Variants in RORC observed in about 807,000 individuals in gnomAD.
RORC encodes the protein nuclear receptor ROR-gamma.
A neutral mutation model predicts 64.5 loss-of-function variants in RORC; 13 were observed. That is an observed-to-expected ratio of 0.20 (90% CI 0.13 to 0.32). The LOEUF is 0.32. RORC is among the 10% of genes least tolerant of loss of function. The pLI is 1.00. For missense variants in RORC, 468 were observed against 669.5 expected (o/e 0.70, Z 3.32); for synonymous variants, 277 against 259.3 (o/e 1.07, Z -0.65).
At chr1:151,812,459 T>C (rs1447519757) in intron 9 of RORC, 2 of 157,322 alleles carry the variant, frequency 1.3e-5, no homozygotes, top group Non-Finnish European at 2.8e-5. Context: ...GGCTAAGCTA[T>C]GGTGTTCAGT....
chr1:151,830,851 C>G lies in RORC; in HGVS notation c.40+874G>C, dbSNP rs1453013501. The G allele has an allele frequency of 3.9e-6, 4 of 1,014,404 alleles. No individual in the cohort carries two copies. Among genetic ancestry groups the G allele is most frequent in the Non-Finnish European group, 5.2e-6 (4 of 768,938 alleles). 62.8% of individuals were successfully genotyped at this position (1,014,404 alleles called of 1,614,324 possible). A position where few individuals can be genotyped will look rare whatever the true frequency, so the allele number is the denominator to read the frequency against. On this transcript the variant is annotated intron_variant, in intron 1 of 10. Coordinates refer to ENST00000318247, the MANE Select transcript of RORC (RefSeq NM_005060.4). This position sits in a 1 kb window ranked among gnomAD's most constrained non-coding sequence, Gnocchi z 4.0. ...TGCCTGGCCCCACCCAGCTTCCTCC[C>G]TGACGTGGCACCGGCTCCTGGCCTC...
At chr1:151,815,485 T>G (rs1178615634) in intron 4 of RORC, 60 bp from the exon 5 acceptor site, 1 of 1,497,926 alleles carries the variant, frequency 6.7e-7, no homozygotes, top group East Asian at 2.3e-5. Context: ...CAGGGCAGGG[T>G]CAGGAGGCAT....
intron 9 of RORC, chr1:151,811,773 A>AT (rs1651544573): frequency 6.0e-6 from 1 of 166,106 alleles, no homozygotes; most frequent in African/African-American, 2.4e-5. Context: ...GAGCTCCCCC[A>AT]TGTACGAAAA....
Position 151,813,675 on chromosome 1 carries a change from CCTGA to C in RORC, c.934-59_934-56del, listed in dbSNP as rs142305315. ...GCGCTCTGTGTGGCCCTGTGATCCTCCTGAGCCCTGGAGCCCCACCTAATAAACT... is the reference window on the plus strand; with the variant it reads ...GCGCTCTGTGTGGCCCTGTGATCCTCGCCCTGGAGCCCCACCTAATAAACT... On this transcript the variant is annotated intron_variant, in intron 6 of 10. Coordinates refer to ENST00000318247, the MANE Select transcript of RORC (RefSeq NM_005060.4). 5,333 of 1,593,090 alleles carry C rather than the reference CCTGA, an allele frequency of 3.3e-3. 144 individuals are homozygous for C. The African/African-American group carries it at 0.065, about 19-fold the overall frequency.
At position 151,830,468 on chromosome 1, in the gene RORC, C is replaced by T. The variant is rs1652360427; in HGVS notation, c.41-1010G>A. Reference sequence around the variant, plus strand: ...CCCCTGCCAGACCTTGGCCCATTTCCTACATCCACATAGCAGCTCATCACA... The same window carrying T: ...CCCCTGCCAGACCTTGGCCCATTTCTTACATCCACATAGCAGCTCATCACA... On this transcript the variant is annotated intron_variant, in intron 1 of 10. Transcript: ENST00000318247. This position sits in a 1 kb window ranked among gnomAD's most constrained non-coding sequence, Gnocchi z 4.0. Among the ~76,000 whole-genome samples the T allele has an allele frequency of 6.6e-6, 1 of 152,032 alleles. No homozygotes were observed. The highest frequency in any genetic ancestry group is 2.4e-5 in the African/African-American group (1 of 41,366).
chr1:151,815,072 A>G lies in RORC; in HGVS notation c.652T>C (p.Tyr218His). ...RGKAEGRESF[Y>H]STGSQLTPDR... Reference sequence around the variant, plus strand: ...GGGGTCAGCTGGCTGCCTGTGCTATAGAAGCTCTCTCTGCCCTCAGCCTTG... The same window carrying G: ...GGGGTCAGCTGGCTGCCTGTGCTATGGAAGCTCTCTCTGCCCTCAGCCTTG... Residue 218 changes from tyrosine (Y) to histidine (H), a missense_variant, in exon 5 of 11, where the codon TAT (tyrosine) becomes CAT (histidine). Transcript: ENST00000318247. The G allele has an allele frequency of 6.2e-7, 1 of 1,614,252 alleles. No homozygotes were observed. Among genetic ancestry groups the G allele is most frequent in the Non-Finnish European group, 8.5e-7 (1 of 1,180,034 alleles).
chr1:151,824,018 G>A (rs934668945), intron 2 of RORC, among the ~76,000 whole-genome samples: 7 of 152,220 alleles, frequency 4.6e-5, no homozygotes, highest in Admixed American at 1.3e-4. Flanking sequence ...CCAGAAACTC[G>A]CCCTCTGAGT....
At chr1:151,823,817 A>C (rs1240581217) in intron 2 of RORC, among the ~76,000 whole-genome samples, 9 of 152,040 alleles carry the variant, frequency 5.9e-5, no homozygotes, top group Admixed American at 2.6e-4. Context: ...ATTAAAAAAA[A>C]CTTTTTTTGT....
intron 8 of RORC, 55 bp from the exon 9 acceptor site, chr1:151,813,112 G>A: frequency 6.7e-7 from 1 of 1,483,284 alleles, no homozygotes; most frequent in Non-Finnish European, 9.4e-7. Flanking sequence ...TGGTGCCCGA[G>A]GACACCGCCC....
Position 151,826,530 on chromosome 1 carries a change from C to T in RORC, c.70+2899G>A, listed in dbSNP as rs546023606. Among the ~76,000 whole-genome samples, 3 of 152,338 alleles carry T rather than the reference C, an allele frequency of 2.0e-5. No individual in the cohort carries two copies. In the East Asian group the frequency reaches 5.8e-4, roughly 29 times the overall value. ...GCCAACAGCCATACCCAGTGTGGTG[C>T]AGCCTGGGGGGCTGTCCCACCACTC... On this transcript the variant is annotated intron_variant, in intron 2 of 10. Transcript: ENST00000318247.
At chr1:151,809,501 T>G (rs1651439083) in intron 10 of RORC, among the ~76,000 whole-genome samples, 1 of 148,342 alleles carries the variant, frequency 6.7e-6, no homozygotes, top group South Asian at 2.1e-4. Context: ...GGGTGCGGAG[T>G]AGGTGTGGTT....
At chr1:151,831,547 C>T (rs965004189) in intron 1 of RORC, 178 bp downstream of exon 1, 1 of 635,442 alleles carries the variant, frequency 1.6e-6, no homozygotes, top group Non-Finnish European at 2.0e-6. Context: ...CTGTCATCTC[C>T]CCAGCCCCTC....
intron 2 of RORC, chr1:151,826,123 G>C: frequency 1.5e-6 from 2 of 1,299,540 alleles, no homozygotes; most frequent in Non-Finnish European, 2.0e-6. Flanking sequence ...GCACCACACA[G>C]GTGGCCAAGT....
At chr1:151,816,934 A>G (rs1651780520) in intron 3 of RORC, 129 bp from the exon 4 acceptor site, 10 of 1,065,510 alleles carry the variant, frequency 9.4e-6, no homozygotes, top group Non-Finnish European at 1.2e-5. Context: ...TCTCTCCTCC[A>G]TCTATTTGTG....
At chr1:151,808,740 T>G (rs1376666704) in intron 10 of RORC, among the ~76,000 whole-genome samples, 1 of 152,172 alleles carries the variant, frequency 6.6e-6, no homozygotes, top group African/African-American at 2.4e-5. Flanking sequence ...TACATTCTGG[T>G]GAGGGGCCCA....
At position 151,813,513 on chromosome 1, in the gene RORC, A is replaced by G; in HGVS notation, c.1041T>C (p.Asn347=). 1 of 1,614,132 alleles carries G rather than the reference A, an allele frequency of 6.2e-7. No individual in the cohort carries two copies. Among genetic ancestry groups the G allele is most frequent in the Non-Finnish European group, 8.5e-7 (1 of 1,180,034 alleles). ...RLSGFMELCQ[N]DQIVLLKAGA... is the part of the protein sequence containing the mutation. ...CTGCTTTGAGAAGCACAATCTGGTCATTCTGGCAGAGCTCCATAAAGCCTG... is the reference window on the plus strand; with the variant it reads ...CTGCTTTGAGAAGCACAATCTGGTCGTTCTGGCAGAGCTCCATAAAGCCTG... The change falls in exon 7 of 11, where the codon AAT becomes AAC. Residue 347 remains asparagine (N), a synonymous_variant. Coordinates refer to ENST00000318247, the MANE Select transcript of RORC (RefSeq NM_005060.4).
chr1:151,816,641 G>A (rs1450151106), intron 4 of RORC, 23 bp downstream of exon 4: 5 of 1,592,196 alleles, frequency 3.1e-6, no homozygotes, highest in Non-Finnish European at 4.3e-6. Context: ...GAAAACCCCA[G>A]GGGGCTGTCG....
Position 151,813,047 on chromosome 1 carries a change from C to T in RORC, c.1185G>A (p.Glu395=), listed in dbSNP as rs2101655715. The change falls in exon 9 of 11, where the codon GAG becomes GAA. Residue 395 remains glutamate (E), a synonymous_variant. Transcript: ENST00000318247. ...AGAAGTCAAAGATGGAGCTGATGAG[C>T]TCGCTGCAGCCTGATGGAGTGGAAA... is the stretch of plus-strand genomic sequence containing the variant. ...MELFRALGCS[E]LISSIFDFSH... 6.2e-7 allele frequency: 1 copy of T among 1,612,946 alleles called. No individual in the cohort carries two copies. The highest frequency in any genetic ancestry group is 8.5e-7 in the Non-Finnish European group (1 of 1,178,984).
intron 2 of RORC, among the ~76,000 whole-genome samples, chr1:151,827,743 A>G (rs919374865): frequency 6.6e-6 from 1 of 151,990 alleles, no homozygotes; most frequent in Non-Finnish European, 1.5e-5. Context: ...TGGGCCGTGG[A>G]GTGGGGGAGA....
Sources: gnomAD v4.1 joint callset for allele counts (sites outside exome capture counted in the v4.1 genomes callset) on GRCh38, gnomAD v4.1.1 for gene constraint, Gnocchi (gnomAD v3.1) non-coding constraint, MANE v1.5 for transcripts, NCBI Gene and HGNC (gene_info 2026-07-23, HGNC 2026-07-21) for gene names.